Variants in DLG2 observed in about 807,000 individuals in gnomAD.
DLG2 encodes discs large MAGUK scaffold protein 2, also known as disks large homolog 2.
DLG2 carries 45 observed loss-of-function variants against 132.5 expected under a neutral mutation model. The ratio of observed to expected loss-of-function variants is 0.34; its 90% confidence interval spans 0.27 to 0.44. The LOEUF is 0.44. Ranked by LOEUF, DLG2 falls within the 20% of genes least tolerant of loss-of-function variation. DLG2 has a pLI of 1.00. For synonymous variants in DLG2, 424 were observed against 419.6 expected (o/e 1.01, Z -0.13); for missense variants, 1,045 against 1,196.9 (o/e 0.87, Z 1.87).
intron 3 of DLG2, among the ~76,000 whole-genome samples, chr11:85,506,878 T>A (rs1484619185): frequency 6.6e-6 from 1 of 152,120 alleles, no homozygotes; most frequent in Non-Finnish European, 1.5e-5. Context: ...CTCTAAGGAC[T>A]TGCTTTATGA....
At chr11:84,848,062 C>G (rs1189059563) in intron 6 of DLG2, among the ~76,000 whole-genome samples, 10 of 152,046 alleles carry the variant, frequency 6.6e-5, no homozygotes, top group Admixed American at 6.6e-4. Context: ...GAGGATGGAG[C>G]CAGAAGCCCA....
At chr11:84,653,568 T>C (rs2099684638) in intron 6 of DLG2, among the ~76,000 whole-genome samples, 1 of 152,174 alleles carries the variant, frequency 6.6e-6, no homozygotes, top group African/African-American at 2.4e-5. Context: ...TCTTACATGG[T>C]CACCTTGAAC....
intron 8 of DLG2, among the ~76,000 whole-genome samples, chr11:84,232,890 T>C (rs1411201326): frequency 6.6e-6 from 1 of 152,168 alleles, no homozygotes; most frequent in African/African-American, 2.4e-5. Flanking sequence ...ATCTGATGAA[T>C]GACAAGGAAG....
chr11:84,357,789 T>C (rs2098625722), intron 7 of DLG2, among the ~76,000 whole-genome samples: 1 of 152,042 alleles, frequency 6.6e-6, no homozygotes, highest in South Asian at 2.1e-4. Context: ...AAAATATTTA[T>C]TTTCCAAGGC....
intron 11 of DLG2, among the ~76,000 whole-genome samples, chr11:84,045,586 A>T (rs940288885): frequency 6.6e-5 from 10 of 151,754 alleles, no homozygotes; most frequent in Admixed American, 6.6e-5. Flanking sequence ...CTACAATAAC[A>T]GAAGTAGAGT....
chr11:84,297,934 T>A (rs2098112431), intron 7 of DLG2, among the ~76,000 whole-genome samples: 1 of 152,162 alleles, frequency 6.6e-6, no homozygotes. Context: ...TGCCCCCTTT[T>A]CACCTTTCAT....
intron 9 of DLG2, among the ~76,000 whole-genome samples, chr11:84,151,018 G>T (rs1327418349): frequency 6.6e-6 from 1 of 152,082 alleles, no homozygotes; most frequent in Non-Finnish European, 1.5e-5. Flanking sequence ...CTAGTATTTT[G>T]TTGAGAATTT....
At chr11:85,399,006 C>A (rs998204311) in intron 3 of DLG2, among the ~76,000 whole-genome samples, 3 of 152,006 alleles carry the variant, frequency 2.0e-5, no homozygotes, top group African/African-American at 7.2e-5. Context: ...GTTTGCAGAC[C>A]ACATGATTGT....
At chr11:84,021,315 C>T (rs184628760) in intron 11 of DLG2, among the ~76,000 whole-genome samples, 129 of 151,968 alleles carry the variant, frequency 8.5e-4, no homozygotes, top group Admixed American at 1.7e-3. Flanking sequence ...AATCTGACAA[C>T]CAAACCTGTA....
At chr11:84,138,701 A>G (rs886591532) in intron 9 of DLG2, among the ~76,000 whole-genome samples, 14 of 152,182 alleles carry the variant, frequency 9.2e-5, no homozygotes, top group Non-Finnish European at 4.4e-5. Context: ...ATAATCCCAG[A>G]ACTTCGGGAG....
Position 83,854,075 on chromosome 11 carries a change from T to C in DLG2, c.1566-20305A>G, listed in dbSNP as rs577640729. ...TACAAAAAAGCCAATTAATTTCCTATATGCTAATGATGAAAAAGCGAAAAC... is the reference window on the plus strand; with the variant it reads ...TACAAAAAAGCCAATTAATTTCCTACATGCTAATGATGAAAAAGCGAAAAC... On this transcript the variant is annotated intron_variant, in intron 16 of 27. Transcript: ENST00000376104. 1.1e-4 allele frequency among the ~76,000 whole-genome samples: 17 copies of C among 152,280 alleles called. No individual in the cohort carries two copies. In the East Asian group the frequency reaches 3.1e-3, roughly 28 times the overall value.
At chr11:85,207,510 T>C (rs868567375) in intron 4 of DLG2, among the ~76,000 whole-genome samples, 6 of 152,184 alleles carry the variant, frequency 3.9e-5, no homozygotes, top group Non-Finnish European at 8.8e-5. Flanking sequence ...GACCTTCCCA[T>C]TATTTTGTGA....
At chr11:85,366,587 T>C (rs1162590160) in intron 3 of DLG2, among the ~76,000 whole-genome samples, 1 of 152,138 alleles carries the variant, frequency 6.6e-6, no homozygotes, top group Non-Finnish European at 1.5e-5. Flanking sequence ...ATTCAGGTTA[T>C]ATTTAATATT....
intron 3 of DLG2, among the ~76,000 whole-genome samples, chr11:85,549,232 AG>A (rs1191516255): frequency 6.6e-6 from 1 of 152,094 alleles, no homozygotes; most frequent in African/African-American, 2.4e-5. Context: ...TGGATAGACA[AG>A]GTGTTCCCTG....
At chr11:84,054,969 A>AT (rs1294728836) in intron 11 of DLG2, among the ~76,000 whole-genome samples, 1 of 152,056 alleles carries the variant, frequency 6.6e-6, no homozygotes, top group Non-Finnish European at 1.5e-5. Context: ...CCATATTCAT[A>AT]TTTTTTATAT....
At chr11:83,881,576 T>C (rs1413952080) in intron 15 of DLG2, among the ~76,000 whole-genome samples, 6 of 152,228 alleles carry the variant, frequency 3.9e-5, no homozygotes, top group Non-Finnish European at 5.9e-5. Context: ...TTGTGGCAAA[T>C]CATCACAGAT....
chr11:84,753,616 T>C (rs1485055958), intron 6 of DLG2, among the ~76,000 whole-genome samples: 3 of 152,206 alleles, frequency 2.0e-5, no homozygotes, highest in Non-Finnish European at 2.9e-5. Flanking sequence ...GGCAGAGCTA[T>C]TGAATAGTTA....
At chr11:85,556,243 T>G (rs2076936481) in intron 3 of DLG2, among the ~76,000 whole-genome samples, 1 of 151,942 alleles carries the variant, frequency 6.6e-6, no homozygotes, top group African/African-American at 2.4e-5. Flanking sequence ...TGTAATCTAC[T>G]TCATTTGAAA....
chr11:85,104,549 G>A (rs540406958), intron 6 of DLG2, among the ~76,000 whole-genome samples: 1 of 151,808 alleles, frequency 6.6e-6, no homozygotes, highest in African/African-American at 2.4e-5. Flanking sequence ...GTAAGAGCTG[G>A]GAGGAGAATG....
Sources: gnomAD v4.1 joint callset for allele counts (sites outside exome capture counted in the v4.1 genomes callset) on GRCh38, gnomAD v4.1.1 for gene constraint, MANE v1.5 for transcripts, NCBI Gene and HGNC (gene_info 2026-07-23, HGNC 2026-07-21) for gene names.